SARM1: variants seen among roughly 807,000 people sequenced by gnomAD.
SARM1 encodes the protein sterile alpha and TIR motif containing 1.
In SARM1, 60 loss-of-function variants were observed where a neutral mutation model predicts 65.1. The observed-to-expected ratio is 0.92, with a 90% CI of 0.75 to 1.14. SARM1 has a LOEUF of 1.14. Among genes scored for constraint, SARM1 ranks in the 50% most tolerant of loss-of-function variants. The pLI is 0.00. For missense variants in SARM1, 913 were observed against 1,015.7 expected (o/e 0.90, Z 1.37); for synonymous variants, 417 against 465.4 (o/e 0.90, Z 1.34).
At position 28,399,651 on chromosome 17, in the gene SARM1, G is replaced by A. The variant is rs1431473548; in HGVS notation, c.*3365G>A. ...TCTTGCCCTCTGTCTTCTGGTCCAG[G>A]CAGATCAGGGGCTCTGGGGAAACTG... On this transcript the variant is annotated 3_prime_UTR_variant, in exon 9 of 9. Coordinates refer to ENST00000585482, the MANE Select transcript of SARM1 (RefSeq NM_015077.4). 1.1e-5 allele frequency: 18 copies of A among 1,613,872 alleles called. No homozygotes were observed. The highest frequency in any genetic ancestry group is 1.4e-5 in the Non-Finnish European group (17 of 1,179,876).
intron 5 of SARM1, among the ~76,000 whole-genome samples, chr17:28,387,483 C>A (rs572876178): frequency 1.3e-5 from 2 of 148,470 alleles, no homozygotes; most frequent in African/African-American, 5.0e-5. Flanking sequence ...CTTGGCCCCC[C>A]ACAGTGCTGG....
At position 28,384,866 on chromosome 17, in the gene SARM1, C is replaced by G; in HGVS notation, c.1330C>G (p.Leu444Val). 2.6e-6 allele frequency: 4 copies of G among 1,556,598 alleles called. No homozygotes were observed. The highest frequency in any genetic ancestry group is 3.5e-6 in the Non-Finnish European group (4 of 1,149,984). Reference protein sequence around the residue: ...REQQVDGDLLLRLTEEELQTD... With the variant: ...REQQVDGDLLVRLTEEELQTD... ...GCAGCAGGTGGATGGCGACCTGCTT[C>G]TGCGGCTCACGGAGGAGGAACTCCA... The change falls in exon 4 of 9, where the codon CTG (leucine) becomes GTG (valine). Residue 444 changes from leucine (L) to valine (V), a missense_variant. Physicochemically the swap from Leu to Val is conservative, Grantham distance 32. This residue lies in a region of SARM1 where 862 missense variants were observed against 952.1 expected (regional missense o/e 0.91). Coordinates refer to ENST00000585482, the MANE Select transcript of SARM1 (RefSeq NM_015077.4). This position sits in a 1 kb window ranked among gnomAD's most constrained non-coding sequence, Gnocchi z 4.4.
At chr17:28,381,916 A>G in intron 2 of SARM1, 95 bp downstream of exon 2, 1 of 1,331,290 alleles carries the variant, frequency 7.5e-7, no homozygotes, top group Non-Finnish European at 9.7e-7. Flanking sequence ...CTTGAAATAC[A>G]CATCAGAATT....
chr17:28,372,353 C>G lies in SARM1; in HGVS notation c.321C>G (p.Ala107=). 2.7e-6 allele frequency: 4 copies of G among 1,503,434 alleles called. No homozygotes were observed. In the South Asian group the frequency reaches 4.9e-5, roughly 18 times the overall value. The allele number at this position is 1,503,434 out of a possible 1,614,324, so 93.1% of individuals were successfully genotyped here. ...TGGAGGAGGCCTGGCTGCTGCCGGC[C>G]GTGGGCCGCGAGGTAGCCCAGGGTC... ...QLVEEAWLLP[A]VGREVAQGLC... The change falls in exon 1 of 9, where the codon GCC becomes GCG. Residue 107 remains alanine, a synonymous_variant. Coordinates refer to ENST00000585482, the MANE Select transcript of SARM1 (RefSeq NM_015077.4). The surrounding 1 kb of genome is among the most constrained non-coding windows in gnomAD (Gnocchi z 5.2).
At position 28,396,372 on chromosome 17, in the gene SARM1, G is replaced by C. The variant is rs1302278533; in HGVS notation, c.*86G>C. On this transcript the variant is annotated 3_prime_UTR_variant, in exon 9 of 9. Coordinates refer to ENST00000585482, the MANE Select transcript of SARM1 (RefSeq NM_015077.4). ...CAGCTCCTGAAACCAGTCTCCCTGG[G>C]CTGAGACAACCTGGGCTCTTCTTAG... 2.0e-6 allele frequency: 3 copies of C among 1,535,700 alleles called. No individual in the cohort carries two copies.
At position 28,384,428 on chromosome 17, in the gene SARM1, G is replaced by A. The variant is rs782567259; in HGVS notation, c.1161G>A (p.Ser387=). 1.9e-6 allele frequency: 3 copies of A among 1,613,022 alleles called. No individual in the cohort carries two copies. Among genetic ancestry groups the A allele is most frequent in the Non-Finnish European group, 1.7e-6 (2 of 1,179,424 alleles). Residue 387 remains serine, a synonymous_variant, in exon 3 of 9, where the codon TCG becomes TCA. Coordinates refer to ENST00000585482, the MANE Select transcript of SARM1 (RefSeq NM_015077.4). The surrounding 1 kb of genome is among the most constrained non-coding windows in gnomAD (Gnocchi z 4.4). ...LVSYSTNGTK[S]ALAKRALRLL... Reference sequence around the variant, plus strand: ...CCTACTCTACCAATGGCACTAAGTCGGCGCTGGCCAAGCGCGCGCTGCGCC... The same window carrying A: ...CCTACTCTACCAATGGCACTAAGTCAGCGCTGGCCAAGCGCGCGCTGCGCC...
rs373638981 is a variant in SARM1 at position 28,384,341 on chromosome 17, C to G, written c.1090-16C>G. 83 of 1,557,300 alleles carry G rather than the reference C, an allele frequency of 5.3e-5. No homozygotes were observed. In the African/African-American group the frequency reaches 7.5e-4, roughly 14 times the overall value. On this transcript the variant is annotated splice_polypyrimidine_tract_variant and intron_variant, in intron 2 of 8. Transcript: ENST00000585482. This position sits in a 1 kb window ranked among gnomAD's most constrained non-coding sequence, Gnocchi z 4.4. ...AGCTGGTGGGACCTACAGCCCTCTC[C>G]CCACTCCCTCCCTAGGTGTTCAGCG...
chr17:28,386,890 C>T (rs1378118154), intron 5 of SARM1, among the ~76,000 whole-genome samples: 1 of 152,176 alleles, frequency 6.6e-6, no homozygotes, highest in Non-Finnish European at 1.5e-5. Context: ...AGGTGCGCAA[C>T]ACCACACCCA....
intron 1 of SARM1, among the ~76,000 whole-genome samples, chr17:28,377,720 C>G (rs564552351): frequency 6.6e-6 from 1 of 151,794 alleles, no homozygotes. Context: ...TTTTTTTAGA[C>G]GGAGTCTCAC....
In SARM1 at chr17:28,384,434, G is replaced by A. The variant is rs1555585634; in HGVS notation, c.1167G>A (p.Leu389=). 1.2e-6 allele frequency: 2 copies of A among 1,613,212 alleles called. No homozygotes were observed. The highest frequency in any genetic ancestry group is 8.5e-7 in the Non-Finnish European group (1 of 1,179,536). ...CTACCAATGGCACTAAGTCGGCGCTGGCCAAGCGCGCGCTGCGCCTGCTGG... is the reference window on the plus strand; with the variant it reads ...CTACCAATGGCACTAAGTCGGCGCTAGCCAAGCGCGCGCTGCGCCTGCTGG... The part of the protein sequence containing the change: ...SYSTNGTKSA[L]AKRALRLLGE... The change falls in exon 3 of 9, where the codon CTG becomes CTA. Residue 389 remains leucine (L), a synonymous_variant. Transcript: ENST00000585482. This position sits in a 1 kb window ranked among gnomAD's most constrained non-coding sequence, Gnocchi z 4.4.
Position 28,399,881 on chromosome 17 carries a change from T to G in SARM1, c.*3595T>G. 7.4e-6 allele frequency: 5 copies of G among 675,558 alleles called. No individual in the cohort carries two copies. Among genetic ancestry groups the G allele is most frequent in the South Asian group, 1.8e-5 (1 of 56,858 alleles). 41.8% of individuals were successfully genotyped at this position (675,558 alleles called of 1,614,324 possible). On this transcript the variant is annotated 3_prime_UTR_variant, in exon 9 of 9. Transcript: ENST00000585482. ...AGCTGGAGGACAATATCCAGGGACA[T>G]GGCTCTGGAAAATAACTTTTTTTTT... is the stretch of plus-strand genomic sequence containing the variant.
intron 1 of SARM1, among the ~76,000 whole-genome samples, chr17:28,377,920 A>G (rs1199037606): frequency 6.6e-6 from 1 of 151,488 alleles, no homozygotes; most frequent in African/African-American, 2.4e-5. Context: ...CTGGTCTTGA[A>G]CTCCTGACCT....
chr17:28,372,350 G>A lies in SARM1; in HGVS notation c.318G>A (p.Pro106=), dbSNP rs1555584179. Residue 106 remains proline, a synonymous_variant, in exon 1 of 9, where the codon CCG becomes CCA. Coordinates refer to ENST00000585482, the MANE Select transcript of SARM1 (RefSeq NM_015077.4). This position sits in a 1 kb window ranked among gnomAD's most constrained non-coding sequence, Gnocchi z 5.2. ...TGGTGGAGGAGGCCTGGCTGCTGCC[G>A]GCCGTGGGCCGCGAGGTAGCCCAGG... ...FQLVEEAWLL[P]AVGREVAQGL... is the part of the protein sequence containing the mutation. The A allele has an allele frequency of 1.3e-6, 2 of 1,499,464 alleles. No homozygotes were observed. The highest frequency in any genetic ancestry group is 1.2e-5 in the South Asian group (1 of 81,266). 92.9% of individuals were successfully genotyped at this position (1,499,464 alleles called of 1,614,324 possible).
Position 28,402,096 on chromosome 17 carries a change from G to T in SARM1, c.*5810G>T. On this transcript the variant is annotated 3_prime_UTR_variant, in exon 9 of 9. Transcript: ENST00000585482. ...TCTGCCCATTGTGGGCAATTTCACA[G>T]AAATGTGTTTGTTTTGGCCACTTAC... 1.5e-6 allele frequency: 1 copy of T among 671,818 alleles called. No individual in the cohort carries two copies. The highest frequency in any genetic ancestry group is 2.5e-6 in the Non-Finnish European group (1 of 404,732). The allele number at this position is 671,818 out of a possible 1,614,324, so 41.6% of individuals were successfully genotyped here.
At chr17:28,391,900 A>G (rs2068082562) in intron 7 of SARM1, among the ~76,000 whole-genome samples, 1 of 116,460 alleles carries the variant, frequency 8.6e-6, no homozygotes, top group Non-Finnish European at 1.8e-5. Flanking sequence ...TTTTTTTTCC[A>G]GTAGAGATAG....
rs1555589284 is a variant in SARM1 at position 28,400,458 on chromosome 17, C to T, written c.*4172C>T. 7.3e-6 allele frequency: 7 copies of T among 955,666 alleles called. No homozygotes were observed. 59.2% of individuals were successfully genotyped at this position (955,666 alleles called of 1,614,324 possible). On this transcript the variant is annotated 3_prime_UTR_variant, in exon 9 of 9. Transcript: ENST00000585482. ...GGAAAATGGCTCCTGGAGGATTAGG[C>T]AGCCATCTGCAAGGAGAGGGGCAAC...
rs2068037363 is a variant in SARM1 at position 28,384,061 on chromosome 17, C to A, written c.1090-296C>A. Among the ~76,000 whole-genome samples, 1 of 152,178 alleles carries A rather than the reference C, an allele frequency of 6.6e-6. No individual in the cohort carries two copies. Among genetic ancestry groups the A allele is most frequent in the South Asian group, 2.1e-4 (1 of 4,828 alleles). ...GATGGGCAGCTGCACTGTGCCCTGC[C>A]TGGCGCTATGCTGAGAGCTCAACTT... is the stretch of plus-strand genomic sequence containing the variant. On this transcript the variant is annotated intron_variant, in intron 2 of 8. Transcript: ENST00000585482. This position sits in a 1 kb window ranked among gnomAD's most constrained non-coding sequence, Gnocchi z 4.4.
chr17:28,381,206 C>A lies in SARM1; in HGVS notation c.474C>A (p.Asp158Glu). Residue 158 changes from aspartate to glutamate, a missense_variant, in exon 2 of 9, where the codon GAC becomes GAA. By Grantham distance (45) the Asp-to-Glu change is conservative. Coordinates refer to ENST00000585482, the MANE Select transcript of SARM1 (RefSeq NM_015077.4). ...LEQILVAENRDRVARIGLGVI... is the reference protein window; with the variant it reads ...LEQILVAENRERVARIGLGVI... ...CCCTTCCACTTTCACTGGGCAGAGA[C>A]CGCGTGGCGCGCATTGGGCTGGGCG... The A allele has an allele frequency of 6.3e-7, 1 of 1,594,070 alleles. No individual in the cohort carries two copies. Among genetic ancestry groups the A allele is most frequent in the Non-Finnish European group, 8.5e-7 (1 of 1,170,608 alleles).
Position 28,384,732 on chromosome 17 carries a change from C to A in SARM1, c.1303-107C>A. The A allele has an allele frequency of 7.2e-6, 9 of 1,241,910 alleles. No individual in the cohort carries two copies. Among genetic ancestry groups the A allele is most frequent in the Non-Finnish European group, 1.0e-5 (9 of 873,136 alleles). The allele number at this position is 1,241,910 out of a possible 1,614,324, so 76.9% of individuals were successfully genotyped here. A position where few individuals can be genotyped will look rare whatever the true frequency, so the allele number is the denominator to read the frequency against. ...AGGGTCACTCGGCTCTGATCTAGGT[C>A]CCATCCGCCTCCTCCACGCCATCTC... is the stretch of plus-strand genomic sequence containing the variant. On this transcript the variant is annotated intron_variant, in intron 3 of 8. Transcript: ENST00000585482. The surrounding 1 kb of genome is among the most constrained non-coding windows in gnomAD (Gnocchi z 4.4).
Sources: allele counts gnomAD v4.1 joint callset (sites outside exome capture counted in the v4.1 genomes callset), GRCh38; gene constraint gnomAD v4.1.1; regional missense constraint gnomAD v4.1.1; non-coding constraint Gnocchi (gnomAD v3.1); transcripts MANE v1.5; gene names NCBI Gene and HGNC (gene_info 2026-07-23, HGNC 2026-07-21).